TADA2A: variants seen among roughly 807,000 people sequenced by gnomAD.
TADA2A encodes transcriptional adaptor 2A.
TADA2A carries 38 observed loss-of-function variants against 67.4 expected under a neutral mutation model. That is an observed-to-expected ratio of 0.56 (90% CI 0.44 to 0.74). TADA2A has a LOEUF of 0.74. Ranked by LOEUF, TADA2A falls within the 30% of genes least tolerant of loss-of-function variation. The pLI is 0.00. For missense variants in TADA2A, 454 were observed against 547.0 expected, an observed-to-expected ratio of 0.83 and a Z score of 1.70; for synonymous variants, 192 against 181.6, an observed-to-expected ratio of 1.06 and a Z score of -0.46.
At chr17:37,459,750 A>G (rs992459554) in intron 9 of TADA2A, among the ~76,000 whole-genome samples, 3 of 150,728 alleles carry the variant, frequency 2.0e-5, no homozygotes. Flanking sequence ...GCACCACCAC[A>G]CTTGGCTAAT....
At chr17:37,412,228 A>G (rs1236097390) in intron 2 of TADA2A, among the ~76,000 whole-genome samples, 1 of 151,652 alleles carries the variant, frequency 6.6e-6, no homozygotes, top group Non-Finnish European at 1.5e-5. Context: ...GAAAAAAAAA[A>G]AAAAAAGAAA....
At chr17:37,445,507 C>G (rs956056451) in intron 8 of TADA2A, among the ~76,000 whole-genome samples, 2 of 152,204 alleles carry the variant, frequency 1.3e-5, no homozygotes, top group Non-Finnish European at 2.9e-5. Flanking sequence ...CTCAAGTGAT[C>G]TGCCCGCCTC....
intron 6 of TADA2A, among the ~76,000 whole-genome samples, chr17:37,441,578 G>C (rs1226781752): frequency 6.6e-6 from 1 of 151,910 alleles, no homozygotes; most frequent in Non-Finnish European, 1.5e-5. Flanking sequence ...CAAGTAATGA[G>C]ATATGAATGT....
chr17:37,433,612 T>G (rs1734059644), intron 4 of TADA2A, among the ~76,000 whole-genome samples: 1 of 151,926 alleles, frequency 6.6e-6, no homozygotes, highest in South Asian at 2.1e-4. Flanking sequence ...TGAGCCATGA[T>G]CACACCAGTG....
intron 14 of TADA2A, among the ~76,000 whole-genome samples, chr17:37,472,294 G>A: frequency 6.6e-6 from 1 of 151,964 alleles, no homozygotes; most frequent in Non-Finnish European, 1.5e-5. Flanking sequence ...TCGAACTGCT[G>A]ACCTCAGGTG....
chr17:37,427,646 A>G (rs2052447915), intron 4 of TADA2A, among the ~76,000 whole-genome samples: 1 of 152,204 alleles, frequency 6.6e-6, no homozygotes, highest in Non-Finnish European at 1.5e-5. Flanking sequence ...AGCCAAAGTG[A>G]ATATCCAGTC....
At position 37,439,925 on chromosome 17, in the gene TADA2A, TA is replaced by T. The variant is rs1568154965; in HGVS notation, c.285-579del. Among the ~76,000 whole-genome samples the T allele has an allele frequency of 5.8e-3, 586 of 101,790 alleles. 3 individuals are homozygous for T. Among genetic ancestry groups the T allele is most frequent in the African/African-American group, 0.023 (548 of 23,394 alleles). 66.8% of individuals were successfully genotyped at this position (101,790 alleles called of 152,430 possible). ...AGTCATCTTTATTTATTTATTTATT[TA>T]TTTATTTATTTATTTATTATTTTTT... On this transcript the variant is annotated intron_variant, in intron 5 of 15. Transcript: ENST00000615182.
chr17:37,448,964 G>A (rs2053156768), intron 8 of TADA2A, among the ~76,000 whole-genome samples: 1 of 151,584 alleles, frequency 6.6e-6, no homozygotes, highest in Admixed American at 6.6e-5. Flanking sequence ...GGTCCAGCCT[G>A]GTCTCTGTAT....
intron 6 of TADA2A, 106 bp from the exon 7 acceptor site, chr17:37,442,458 C>CT: frequency 4.6e-6 from 4 of 875,802 alleles, no homozygotes; most frequent in Non-Finnish European, 6.7e-6. Context: ...TTCACATTTC[C>CT]TTTTATAAAA....
chr17:37,422,338 C>A (rs2147923100), intron 2 of TADA2A, among the ~76,000 whole-genome samples: 1 of 151,230 alleles, frequency 6.6e-6, no homozygotes, highest in African/African-American at 2.4e-5. Context: ...GCCACCGTGC[C>A]CAGCCAATTT....
At chr17:37,407,016 A>C (rs1415204291) in intron 1 of TADA2A, 67 bp downstream of exon 1, 1 of 144,948 alleles carries the variant, frequency 6.9e-6, no homozygotes, top group Non-Finnish European at 1.5e-5. Context: ...CTCTAGCGGG[A>C]CTAGGGAGAA....
chr17:37,406,934 A>T lies in TADA2A; in HGVS notation c.-113A>T, dbSNP rs1452273297. ...GACCGGCGGCTCTTTGGCGCGGATTAGGGGGTCTCGGCGAGGTGAGGCGCC... is the reference window on the plus strand; with the variant it reads ...GACCGGCGGCTCTTTGGCGCGGATTTGGGGGTCTCGGCGAGGTGAGGCGCC... On this transcript the variant is annotated 5_prime_UTR_variant, in exon 1 of 16. Coordinates refer to ENST00000615182, the MANE Select transcript of TADA2A (RefSeq NM_001166105.3). 3.7e-5 allele frequency: 3 copies of T among 81,298 alleles called. No individual in the cohort carries two copies. The highest frequency in any genetic ancestry group is 7.3e-5 in the Non-Finnish European group (3 of 41,262). 5.0% of individuals were successfully genotyped at this position (81,298 alleles called of 1,614,324 possible).
At chr17:37,423,122 T>G (rs143837417) in intron 2 of TADA2A, among the ~76,000 whole-genome samples, 2,713 of 152,222 alleles carry the variant, frequency 0.018, 76 homozygotes, top group African/African-American at 0.062. Flanking sequence ...TCCTAACTAC[T>G]TGGGAGGCTG....
intron 2 of TADA2A, among the ~76,000 whole-genome samples, chr17:37,415,622 G>A (rs906363619): frequency 3.3e-5 from 5 of 150,216 alleles, no homozygotes; most frequent in African/African-American, 1.3e-4. Context: ...GCTCAGGCAT[G>A]TAATCCCAGA....
At chr17:37,418,421 A>G (rs967292601) in intron 2 of TADA2A, among the ~76,000 whole-genome samples, 2 of 152,054 alleles carry the variant, frequency 1.3e-5, no homozygotes, top group Admixed American at 6.6e-5. Flanking sequence ...CAGATTTCCA[A>G]ATGGCTCCCT....
chr17:37,455,925 C>T (rs1193379010), intron 8 of TADA2A, among the ~76,000 whole-genome samples: 3 of 151,974 alleles, frequency 2.0e-5, no homozygotes, highest in Admixed American at 1.3e-4. Flanking sequence ...AGAATGGGGC[C>T]GGGTGCAGTA....
chr17:37,458,532 A>G lies in TADA2A; in HGVS notation c.613A>G (p.Met205Val). Residue 205 changes from methionine (M) to valine (V), a missense_variant, in exon 9 of 16, where the codon ATG becomes GTG. Transcript: ENST00000615182. ...DDSDILHALKMAVVDIYHSRL... is the reference protein window; with the variant it reads ...DDSDILHALKVAVVDIYHSRL... ...TATGAATTTATTTGTAGCTCTGAAGATGGCTGTGGTAGATATCTATCATTC... is the reference window on the plus strand; with the variant it reads ...TATGAATTTATTTGTAGCTCTGAAGGTGGCTGTGGTAGATATCTATCATTC... 1.2e-6 allele frequency: 2 copies of G among 1,612,276 alleles called. No individual in the cohort carries two copies. The highest frequency in any genetic ancestry group is 2.2e-5 in the South Asian group (2 of 90,962).
At chr17:37,407,127 G>T (rs1371237581) in intron 1 of TADA2A, 178 bp downstream of exon 1, 1 of 148,480 alleles carries the variant, frequency 6.7e-6, no homozygotes, top group African/African-American at 2.4e-5. Context: ...GGCAGCGGCG[G>T]GCCTCGCCGC....
chr17:37,474,833 C>T (rs1053392547), intron 15 of TADA2A, among the ~76,000 whole-genome samples: 9 of 152,170 alleles, frequency 5.9e-5, no homozygotes, highest in Non-Finnish European at 1.3e-4. Context: ...CACCCTACCA[C>T]CATTCCTCTT....
Sources: gnomAD v4.1 joint callset for allele counts (sites outside exome capture counted in the v4.1 genomes callset) on GRCh38, gnomAD v4.1.1 for gene constraint, MANE v1.5 for transcripts, NCBI Gene and HGNC (gene_info 2026-07-23, HGNC 2026-07-21) for gene names.